DCAF1: variants seen among roughly 807,000 people sequenced by gnomAD.
DCAF1 encodes the protein DDB1- and CUL4-associated factor 1.
Under a neutral mutation model 128.0 loss-of-function variants are expected in DCAF1, and 15 were observed. The observed-to-expected ratio is 0.12, with a 90% CI of 0.08 to 0.18. The LOEUF (loss-of-function observed/expected upper bound fraction) is 0.18. Ranked by LOEUF, DCAF1 falls within the 10% of genes least tolerant of loss-of-function variation. The pLI, the probability that DCAF1 is intolerant of heterozygous loss-of-function variation, is 1.00. For synonymous variants in DCAF1, 610 were observed against 603.0 expected, an observed-to-expected ratio of 1.01 and a Z score of -0.17; for missense variants, 988 against 1,649.5, an observed-to-expected ratio of 0.60 and a Z score of 6.95.
At chr3:51,446,010 T>C (rs1016438822) in intron 6 of DCAF1, among the ~76,000 whole-genome samples, 16 of 149,946 alleles carry the variant, frequency 1.1e-4, no homozygotes, top group East Asian at 7.8e-4. Flanking sequence ...TTTTTTTTTT[T>C]CCAGACAGAG....
chr3:51,406,945 G>C (rs782264680), intron 23 of DCAF1, among the ~76,000 whole-genome samples: 6 of 152,182 alleles, frequency 3.9e-5, no homozygotes, highest in Non-Finnish European at 8.8e-5. Flanking sequence ...TGTAATCCCA[G>C]CACTTTGGGA....
downstream of DCAF1, chr3:51,396,661 G>A (rs782782420): frequency 6.0e-6 from 1 of 167,150 alleles, no homozygotes; most frequent in Non-Finnish European, 1.5e-5. Flanking sequence ...GTAGAATAAG[G>A]AAGACAGCTG....
In DCAF1 at chr3:51,470,996, T is replaced by C. The variant is rs551215267; in HGVS notation, c.120A>G (p.Gln40=). 1.2e-5 allele frequency: 19 copies of C among 1,607,304 alleles called. No individual in the cohort carries two copies. The highest frequency in any genetic ancestry group is 4.5e-5 in the East Asian group (2 of 44,776). The part of the protein sequence containing the change: ...DMVPILTRMS[Q]LIEKETEEYR... ...ACTCTTCAGTTTCTTTTTCAATCAA[T>C]TGAGACATCCTAGCACAAAGGAAAC... Residue 40 remains glutamine, a synonymous_variant, in exon 4 of 25, where the codon CAA becomes CAG. Coordinates refer to ENST00000684031, the MANE Select transcript of DCAF1 (RefSeq NM_001387579.1).
At chr3:51,425,872 C>G (rs1344728399) in intron 13 of DCAF1, among the ~76,000 whole-genome samples, 1 of 151,974 alleles carries the variant, frequency 6.6e-6, no homozygotes, top group South Asian at 2.1e-4. Context: ...CCTATCATCA[C>G]TTTTTAAACA....
intron 3 of DCAF1, among the ~76,000 whole-genome samples, chr3:51,480,187 C>T (rs570477265): frequency 1.3e-5 from 2 of 150,958 alleles, no homozygotes; most frequent in Non-Finnish European, 2.9e-5. Flanking sequence ...GAAGGTTTTA[C>T]AGACATGATT....
At chr3:51,503,900 T>C (rs994977293), upstream of DCAF1, among the ~76,000 whole-genome samples, 3 of 152,150 alleles carry the variant, frequency 2.0e-5, no homozygotes, top group Non-Finnish European at 4.4e-5. Flanking sequence ...AAAGAGGAGA[T>C]AAAAAAGCAA....
intron 6 of DCAF1, among the ~76,000 whole-genome samples, chr3:51,448,041 CT>C (rs1702042702): frequency 6.6e-6 from 1 of 151,862 alleles, no homozygotes; most frequent in Non-Finnish European, 1.5e-5. Flanking sequence ...AAAGTTTGCT[CT>C]GTTTGATTAT....
intron 3 of DCAF1, among the ~76,000 whole-genome samples, chr3:51,471,660 G>A (rs904874350): frequency 6.6e-6 from 1 of 151,902 alleles, no homozygotes; most frequent in Non-Finnish European, 1.5e-5. Flanking sequence ...CTGAGGTTGG[G>A]AGTTCAAGAA....
At chr3:51,419,465 G>A (rs546351453) in intron 15 of DCAF1, among the ~76,000 whole-genome samples, 3 of 152,286 alleles carry the variant, frequency 2.0e-5, no homozygotes, top group Admixed American at 1.3e-4. Flanking sequence ...ACAAGTTTGG[G>A]AGCCTCCTTA....
upstream of DCAF1, among the ~76,000 whole-genome samples, chr3:51,501,444 A>G (rs1708803635): frequency 6.6e-6 from 1 of 152,142 alleles, no homozygotes; most frequent in Non-Finnish European, 1.5e-5. Flanking sequence ...CCCAGCGTTC[A>G]AGGCCTTATG....
At chr3:51,441,991 T>A in intron 7 of DCAF1, 94 bp from the exon 8 acceptor site, 2 of 1,478,060 alleles carry the variant, frequency 1.4e-6, no homozygotes, top group South Asian at 1.4e-5. Context: ...AACTGGAGAC[T>A]CATGCAGTGA....
At chr3:51,418,240 T>C in intron 16 of DCAF1, 42 bp from the exon 17 acceptor site, 1 of 1,575,430 alleles carries the variant, frequency 6.3e-7, no homozygotes. Flanking sequence ...CGTATTTACA[T>C]ACATGCAGAT....
intron 2 of DCAF1, among the ~76,000 whole-genome samples, chr3:51,484,539 T>C (rs1302600753): frequency 6.6e-6 from 1 of 152,038 alleles, no homozygotes; most frequent in Non-Finnish European, 1.5e-5. Flanking sequence ...CAGGCCTAGA[T>C]CTCTGAGGTC....
In DCAF1 at chr3:51,398,051, A is replaced by T. The variant is rs191995276; in HGVS notation, c.*718T>A. ...CACAAAACCAATATCCACAATGACC[A>T]TGCTGCCCCCAAACCATGAAGGTGA... is the stretch of plus-strand genomic sequence containing the variant. On this transcript the variant is annotated 3_prime_UTR_variant, in exon 25 of 25. Transcript: ENST00000684031. 1 of 156,778 alleles carries T rather than the reference A, an allele frequency of 6.4e-6. No homozygotes were observed. Among genetic ancestry groups the T allele is most frequent in the Admixed American group, 6.5e-5 (1 of 15,270 alleles). The allele number at this position is 156,778 out of a possible 1,614,324, so 9.7% of individuals were successfully genotyped here.
chr3:51,462,439 T>C (rs1703698553), intron 6 of DCAF1, among the ~76,000 whole-genome samples: 1 of 151,200 alleles, frequency 6.6e-6, no homozygotes, highest in Admixed American at 6.6e-5. Flanking sequence ...AAAACAAAAG[T>C]AAATAAAATA....
Position 51,430,240 on chromosome 3 carries a change from C to T in DCAF1, c.1288-28G>A, listed in dbSNP as rs377071991. ...GCAAAAAAATACAAATAAAACAATG[C>T]TTTTAAATTGTGGGCAAAGGAGCCC... On this transcript the variant is annotated intron_variant, in intron 10 of 24. Coordinates refer to ENST00000684031, the MANE Select transcript of DCAF1 (RefSeq NM_001387579.1). The T allele has an allele frequency of 1.3e-5, 10 of 764,742 alleles. No individual in the cohort carries two copies. In the African/African-American group the frequency reaches 1.4e-4, roughly 10 times the overall value. 47.4% of individuals were successfully genotyped at this position (764,742 alleles called of 1,614,324 possible).
chr3:51,414,079 CA>C (rs1170321741), intron 19 of DCAF1, 36 bp from the exon 20 acceptor site: 1 of 1,541,792 alleles, frequency 6.5e-7, no homozygotes, highest in Non-Finnish European at 8.7e-7. Flanking sequence ...CTATTTTACA[CA>C]AAACTTATCT....
intron 9 of DCAF1, among the ~76,000 whole-genome samples, chr3:51,434,346 G>A (rs924782742): frequency 2.7e-4 from 41 of 150,992 alleles, no homozygotes; most frequent in Admixed American, 1.3e-3. Context: ...AGGCTGTAGT[G>A]AGCTAGGATC....
chr3:51,493,217 G>A (rs956441052), intron 2 of DCAF1, among the ~76,000 whole-genome samples: 4 of 151,642 alleles, frequency 2.6e-5, no homozygotes, highest in African/African-American at 9.7e-5. Flanking sequence ...AGGCCAAGGC[G>A]GGCAGATCTC....
Sources: allele counts gnomAD v4.1 joint callset (sites outside exome capture counted in the v4.1 genomes callset), GRCh38; gene constraint gnomAD v4.1.1; transcripts MANE v1.5; gene names NCBI Gene and HGNC (gene_info 2026-07-23, HGNC 2026-07-21).